RYR2: variants seen among roughly 807,000 people sequenced by gnomAD.
The protein encoded by RYR2 is ryanodine receptor 2, also known as cardiac muscle ryanodine receptor-calcium release channel.
In RYR2, 227 loss-of-function variants were observed where a neutral mutation model predicts 601.1. That is an observed-to-expected ratio of 0.38 (90% CI 0.34 to 0.42). The LOEUF (loss-of-function observed/expected upper bound fraction) is 0.42. RYR2 is among the 10% of genes least tolerant of loss of function. The pLI is 1.00. For synonymous variants in RYR2, 2,223 were observed against 2,175.1 expected, an observed-to-expected ratio of 1.02 and a Z score of -0.61; for missense variants, 4,646 against 6,156.5, an observed-to-expected ratio of 0.75 and a Z score of 8.21.
chr1:237,529,146 T>C (rs1322393454), intron 24 of RYR2, among the ~76,000 whole-genome samples: 2 of 152,304 alleles, frequency 1.3e-5, no homozygotes, highest in East Asian at 1.9e-4. Context: ...GCTGGTAAAA[T>C]CTTCCTGTCC....
intron 1 of RYR2, among the ~76,000 whole-genome samples, chr1:237,053,537 G>A (rs1661550074): frequency 6.6e-6 from 1 of 152,144 alleles, no homozygotes; most frequent in Admixed American, 6.5e-5. Flanking sequence ...ACACCAAAGA[G>A]GATACGGAAA....
intron 2 of RYR2, among the ~76,000 whole-genome samples, chr1:237,315,713 GTCA>G (rs1695039968): frequency 6.6e-6 from 1 of 152,134 alleles, no homozygotes; most frequent in African/African-American, 2.4e-5. Context: ...GGCAGTTTGA[GTCA>G]TCAAGAAGTG....
intron 63 of RYR2, among the ~76,000 whole-genome samples, chr1:237,692,688 A>G (rs1687053749): frequency 6.6e-6 from 1 of 152,220 alleles, no homozygotes. Context: ...ACCCTCACAC[A>G]TAATTACTCA....
intron 1 of RYR2, among the ~76,000 whole-genome samples, chr1:237,212,244 T>A (rs890227314): frequency 4.6e-5 from 7 of 151,854 alleles, no homozygotes; most frequent in African/African-American, 1.7e-4. Context: ...TATTTATTAA[T>A]CTTTTCTCAT....
intron 96 of RYR2, 119 bp from the exon 97 acceptor site, chr1:237,797,918 A>T: frequency 1.1e-6 from 1 of 908,676 alleles, no homozygotes; most frequent in Non-Finnish European, 1.6e-6. Flanking sequence ...ACTAGATTTT[A>T]AGTGATTGTT....
chr1:237,515,002 A>C (rs1204259013), intron 24 of RYR2, among the ~76,000 whole-genome samples: 1 of 152,168 alleles, frequency 6.6e-6, no homozygotes, highest in African/African-American at 2.4e-5. Flanking sequence ...AATATCCCTT[A>C]TTTTGGGTTG....
At chr1:237,072,196 G>A (rs1004570246) in intron 1 of RYR2, among the ~76,000 whole-genome samples, 3 of 152,314 alleles carry the variant, frequency 2.0e-5, no homozygotes, top group Admixed American at 1.3e-4. Flanking sequence ...CGGCTCCATG[G>A]GGCATGCCGC....
At chr1:237,787,816 A>G in intron 91 of RYR2, 172 bp from the exon 92 acceptor site, 1 of 643,310 alleles carries the variant, frequency 1.6e-6, no homozygotes, top group Non-Finnish European at 2.7e-6. Flanking sequence ...ATCAACAGAA[A>G]ATCCTACCCC....
intron 10 of RYR2, among the ~76,000 whole-genome samples, chr1:237,403,560 G>A (rs991387487): frequency 6.6e-6 from 1 of 152,144 alleles, no homozygotes; most frequent in East Asian, 1.9e-4. Flanking sequence ...TGAGTAGCTA[G>A]GACTATATGC....
At chr1:237,064,069 A>G (rs1328812537) in intron 1 of RYR2, among the ~76,000 whole-genome samples, 3 of 152,080 alleles carry the variant, frequency 2.0e-5, no homozygotes, top group African/African-American at 4.8e-5. Context: ...TATTTCTTCA[A>G]ACATTGCTTC....
chr1:237,480,868 A>AT (rs1301212965), intron 17 of RYR2, among the ~76,000 whole-genome samples: 1 of 151,632 alleles, frequency 6.6e-6, no homozygotes, highest in Non-Finnish European at 1.5e-5. Context: ...ACTAACTTCC[A>AT]TTTTTATTTA....
intron 27 of RYR2, among the ~76,000 whole-genome samples, chr1:237,560,133 G>A (rs1671302361): frequency 6.6e-6 from 1 of 152,234 alleles, no homozygotes; most frequent in Non-Finnish European, 1.5e-5. Context: ...GGTTTTTCCT[G>A]AATACATGCA....
At chr1:237,808,674 T>C (rs1057021595) in intron 99 of RYR2, among the ~76,000 whole-genome samples, 7 of 136,758 alleles carry the variant, frequency 5.1e-5, no homozygotes, top group Non-Finnish European at 8.2e-5. Flanking sequence ...AAAAACAAAA[T>C]AAAATAAAAT....
At chr1:237,732,236 T>A in intron 78 of RYR2, 87 bp downstream of exon 78, 1 of 740,190 alleles carries the variant, frequency 1.4e-6, no homozygotes, top group Non-Finnish European at 2.2e-6. Context: ...GTTCATGTTT[T>A]AAGTTCATCT....
intron 1 of RYR2, among the ~76,000 whole-genome samples, chr1:237,220,868 C>T (rs1683726287): frequency 6.6e-6 from 1 of 152,068 alleles, no homozygotes. Context: ...GTGGGCAGAT[C>T]ACTTGAGGTC....
intron 1 of RYR2, among the ~76,000 whole-genome samples, chr1:237,197,154 C>A (rs1016758303): frequency 6.6e-6 from 1 of 152,116 alleles, no homozygotes; most frequent in African/African-American, 2.4e-5. Context: ...AGATAATTTA[C>A]CGAAAGATTC....
chr1:237,658,043 T>A (rs1265704276), intron 54 of RYR2, 21 bp downstream of exon 54: 3 of 1,349,026 alleles, frequency 2.2e-6, no homozygotes, highest in Non-Finnish European at 3.0e-6. Flanking sequence ...TATTACATTC[T>A]AATTCAGTAG....
chr1:237,357,813 C>T (rs1699429971), intron 4 of RYR2, among the ~76,000 whole-genome samples: 1 of 152,062 alleles, frequency 6.6e-6, no homozygotes, highest in South Asian at 2.1e-4. Context: ...TGCTTTACTC[C>T]TTTTTTCTTA....
intron 82 of RYR2, 41 bp from the exon 83 acceptor site, chr1:237,759,735 A>C: frequency 8.4e-7 from 1 of 1,185,268 alleles, no homozygotes; most frequent in Non-Finnish European, 1.3e-6. Flanking sequence ...AAACAATAAG[A>C]TTTTTGTTCA....
Sources: allele counts gnomAD v4.1 joint callset (sites outside exome capture counted in the v4.1 genomes callset), GRCh38; gene constraint gnomAD v4.1.1; transcripts MANE v1.5; gene names NCBI Gene and HGNC (gene_info 2026-07-23, HGNC 2026-07-21).